PARP11: variants seen among roughly 807,000 people sequenced by gnomAD.
The protein encoded by PARP11 is poly(ADP-ribose) polymerase family member 11, also known as protein mono-ADP-ribosyltransferase PARP11.
In PARP11, 31 loss-of-function variants were observed where a neutral mutation model predicts 42.9. The ratio of observed to expected loss-of-function variants is 0.72; its 90% CI spans 0.54 to 0.98. The LOEUF (loss-of-function observed/expected upper bound fraction) is 0.98, where lower values mean the gene tolerates loss of function less well. Ranked by LOEUF, PARP11 falls within the 50% of genes least tolerant of loss-of-function variation. The probability of loss-of-function intolerance (pLI) is 0.00; values close to 1 mark genes in which losing one functional copy is unlikely to be tolerated. For synonymous variants in PARP11, 137 were observed against 127.3 expected, an observed-to-expected ratio of 1.08 and a Z score of -0.51; for missense variants, 365 against 413.1, an observed-to-expected ratio of 0.88 and a Z score of 1.01.
intron 1 of PARP11, among the ~76,000 whole-genome samples, chr12:3,834,232 T>C (rs1947708021): frequency 6.6e-6 from 1 of 152,166 alleles, no homozygotes; most frequent in Non-Finnish European, 1.5e-5. Context: ...ATGGAGACTT[T>C]GCTCAGGGGT....
At chr12:3,841,257 T>A in intron 1 of PARP11, 1 of 1,387,232 alleles carries the variant, frequency 7.2e-7, no homozygotes. Context: ...TACCTAAAGA[T>A]AAGAATATTC....
intron 6 of PARP11, among the ~76,000 whole-genome samples, chr12:3,816,057 G>C (rs999709684): frequency 1.3e-5 from 2 of 152,264 alleles, no homozygotes; most frequent in East Asian, 3.9e-4. Context: ...GACATCAGAA[G>C]GTCGTGCATT....
intron 1 of PARP11, among the ~76,000 whole-genome samples, chr12:3,836,041 A>G (rs933600094): frequency 6.6e-6 from 1 of 151,970 alleles, no homozygotes; most frequent in African/African-American, 2.4e-5. Context: ...ACACATATAT[A>G]TATATACACA....
chr12:3,818,003 AT>A (rs1947325627), intron 6 of PARP11, among the ~76,000 whole-genome samples: 1 of 152,182 alleles, frequency 6.6e-6, no homozygotes, highest in Non-Finnish European at 1.5e-5. Flanking sequence ...AGATGCTCTT[AT>A]TTCCTTGCTG....
intron 7 of PARP11, 103 bp from the exon 8 acceptor site, chr12:3,812,542 T>C (rs775869109): frequency 4.8e-5 from 37 of 773,706 alleles, no homozygotes; most frequent in Non-Finnish European, 7.2e-5. Context: ...AATTGTATAA[T>C]AAAAATAGAT....
intron 2 of PARP11, among the ~76,000 whole-genome samples, chr12:3,829,676 C>T (rs1302879881): frequency 2.0e-5 from 3 of 152,286 alleles, no homozygotes; most frequent in East Asian, 3.9e-4. Flanking sequence ...TCACATTCAC[C>T]CTCTATTGTT....
Position 3,840,923 on chromosome 12 carries a change from C to G in PARP11, c.19-10905G>C. 1 of 1,604,162 alleles carries G rather than the reference C, an allele frequency of 6.2e-7. No homozygotes were observed. The highest frequency in any genetic ancestry group is 8.5e-7 in the Non-Finnish European group (1 of 1,170,928). ...CTAGTTTCTCCAGAGGTACATCTAACTCCTGCAGTGCCTTCTTTACCAGCC... is the reference window on the plus strand; with the variant it reads ...CTAGTTTCTCCAGAGGTACATCTAAGTCCTGCAGTGCCTTCTTTACCAGCC... On this transcript the variant is annotated intron_variant, in intron 1 of 7. Transcript: ENST00000228820. The surrounding 1 kb of genome is among the most constrained non-coding windows in gnomAD (Gnocchi z 4.4).
At chr12:3,819,806 C>T (rs1003272299) in intron 6 of PARP11, among the ~76,000 whole-genome samples, 5 of 152,216 alleles carry the variant, frequency 3.3e-5, no homozygotes, top group Non-Finnish European at 5.9e-5. Context: ...CACACAACCA[C>T]CCCAGTGGTG....
At chr12:3,835,351 G>A (rs948546005) in intron 1 of PARP11, among the ~76,000 whole-genome samples, 1 of 149,946 alleles carries the variant, frequency 6.7e-6, no homozygotes, top group Non-Finnish European at 1.5e-5. Context: ...GGACTTTACA[G>A]AATTTGTTCA....
chr12:3,871,949 T>C (rs915495952), intron 1 of PARP11: 2 of 152,020 alleles, frequency 1.3e-5, no homozygotes, highest in South Asian at 2.1e-4. Context: ...CCAGAATTCT[T>C]CCCCAAGGTG....
chr12:3,872,773 A>G (rs1948513155), intron 1 of PARP11: 1 of 985,304 alleles, frequency 1.0e-6, no homozygotes, highest in South Asian at 4.7e-5. Flanking sequence ...CAGTTACTCC[A>G]ATTAGAAAGC....
At chr12:3,846,613 C>T (rs1948003407) in intron 1 of PARP11, among the ~76,000 whole-genome samples, 1 of 151,486 alleles carries the variant, frequency 6.6e-6, no homozygotes, top group Non-Finnish European at 1.5e-5. Flanking sequence ...AAAAATTAGC[C>T]AGGTGTGGTG....
intron 1 of PARP11, among the ~76,000 whole-genome samples, chr12:3,844,690 G>A (rs1411152306): frequency 6.6e-6 from 1 of 152,140 alleles, no homozygotes; most frequent in African/African-American, 2.4e-5. Context: ...TTTGCTTTCT[G>A]TTTCCCATAT....
intron 1 of PARP11, among the ~76,000 whole-genome samples, chr12:3,834,150 A>G (rs1027974532): frequency 1.3e-5 from 2 of 152,172 alleles, no homozygotes; most frequent in African/African-American, 4.8e-5. Flanking sequence ...CCAGCACTCC[A>G]CTGCCCACTC....
At chr12:3,835,765 G>A (rs544861998) in intron 1 of PARP11, among the ~76,000 whole-genome samples, 1 of 152,096 alleles carries the variant, frequency 6.6e-6, no homozygotes, top group Non-Finnish European at 1.5e-5. Flanking sequence ...ACTCTAGAAA[G>A]GCTCAGTGGT....
intron 1 of PARP11, among the ~76,000 whole-genome samples, chr12:3,846,973 AG>A (rs1343712976): frequency 6.6e-6 from 1 of 151,962 alleles, no homozygotes; most frequent in African/African-American, 2.4e-5. Flanking sequence ...AATACTTGGG[AG>A]GCTGAGGTGG....
intron 1 of PARP11, among the ~76,000 whole-genome samples, chr12:3,862,225 A>G (rs1948305237): frequency 6.6e-6 from 1 of 152,136 alleles, no homozygotes; most frequent in African/African-American, 2.4e-5. Flanking sequence ...GGAGTTTTAG[A>G]CTAGATCACT....
At chr12:3,848,008 T>C (rs74996689) in intron 1 of PARP11, among the ~76,000 whole-genome samples, 2,906 of 152,266 alleles carry the variant, frequency 0.019, 143 homozygotes, top group South Asian at 0.18. Flanking sequence ...GTAGCATTTA[T>C]ACATGCCAAG....
At chr12:3,854,961 T>G (rs1948166363) in intron 1 of PARP11, among the ~76,000 whole-genome samples, 1 of 152,236 alleles carries the variant, frequency 6.6e-6, no homozygotes, top group African/African-American at 2.4e-5. Context: ...ATCCCTGGGA[T>G]GCAAGGCTGG....
Sources: gnomAD v4.1 joint callset for allele counts (sites outside exome capture counted in the v4.1 genomes callset) on GRCh38, gnomAD v4.1.1 for gene constraint, Gnocchi (gnomAD v3.1) non-coding constraint, MANE v1.5 for transcripts, NCBI Gene and HGNC (gene_info 2026-07-23, HGNC 2026-07-21) for gene names.